TTLL5: variants seen among roughly 807,000 people sequenced by gnomAD.
The protein encoded by TTLL5 is tubulin tyrosine ligase like 5, also known as tubulin polyglutamylase TTLL5.
A neutral mutation model predicts 168.4 loss-of-function variants in TTLL5; 132 were observed. The ratio of observed to expected loss-of-function variants is 0.78; its 90% CI spans 0.68 to 0.91. The LOEUF (loss-of-function observed/expected upper bound fraction) is 0.91. Among genes scored for constraint, TTLL5 ranks in the 40% least tolerant of loss-of-function variants. TTLL5 has a pLI of 0.00. For missense variants in TTLL5, 1,545 were observed against 1,581.5 expected (o/e 0.98, Z 0.39); for synonymous variants, 546 against 558.6 (o/e 0.98, Z 0.32).
chr14:75,826,748 A>G (rs773305808), intron 28 of TTLL5, among the ~76,000 whole-genome samples: 2 of 152,144 alleles, frequency 1.3e-5, no homozygotes, highest in African/African-American at 2.4e-5. Context: ...CTGTCCCTTC[A>G]AGTTAACTGG....
chr14:75,686,883 A>G (rs996779329), intron 5 of TTLL5, among the ~76,000 whole-genome samples: 2 of 152,182 alleles, frequency 1.3e-5, no homozygotes, highest in Non-Finnish European at 2.9e-5. Flanking sequence ...TCATGATTCC[A>G]TTAAAGTAAA....
intron 12 of TTLL5, among the ~76,000 whole-genome samples, chr14:75,723,342 G>T (rs1566828012): frequency 1.3e-5 from 2 of 152,118 alleles, no homozygotes; most frequent in Non-Finnish European, 2.9e-5. Flanking sequence ...CTTTTTGGTG[G>T]CCTGACAGTA....
chr14:75,891,512 C>G (rs369572174), intron 30 of TTLL5, among the ~76,000 whole-genome samples: 4 of 152,172 alleles, frequency 2.6e-5, no homozygotes, highest in African/African-American at 9.7e-5. Context: ...CAAGACAGAT[C>G]AGATCTCTGC....
chr14:75,897,030 AAT>A (rs1467742121), intron 30 of TTLL5, among the ~76,000 whole-genome samples: 2 of 152,206 alleles, frequency 1.3e-5, no homozygotes, highest in Non-Finnish European at 2.9e-5. Flanking sequence ...TACAGGATGT[AAT>A]ATCCCTATAA....
At chr14:75,880,770 G>A (rs1419791644) in intron 29 of TTLL5, among the ~76,000 whole-genome samples, 2 of 152,152 alleles carry the variant, frequency 1.3e-5, no homozygotes, top group East Asian at 3.8e-4. Flanking sequence ...TGGAAGCTTT[G>A]GTTCCTTGTC....
At chr14:75,911,759 T>C (rs1464085408) in intron 31 of TTLL5, among the ~76,000 whole-genome samples, 1 of 152,244 alleles carries the variant, frequency 6.6e-6, no homozygotes, top group African/African-American at 2.4e-5. Flanking sequence ...GATACTGGAA[T>C]ATGGAATTTT....
At chr14:75,709,303 T>C (rs1234996699) in intron 9 of TTLL5, 2 of 707,236 alleles carry the variant, frequency 2.8e-6, no homozygotes, top group East Asian at 2.5e-5. Context: ...TTAATGATTT[T>C]AGAGACTTAG....
chr14:75,743,788 A>G (rs1410932091), intron 15 of TTLL5, among the ~76,000 whole-genome samples: 1 of 151,732 alleles, frequency 6.6e-6, no homozygotes, highest in East Asian at 1.9e-4. Context: ...TCACCGTGTT[A>G]GCCAGGATGG....
At chr14:75,832,772 C>T (rs576823261) in intron 28 of TTLL5, among the ~76,000 whole-genome samples, 1 of 152,180 alleles carries the variant, frequency 6.6e-6, no homozygotes, top group Non-Finnish European at 1.5e-5. Context: ...TCTCACGTTA[C>T]TCAGTTAGTT....
intron 31 of TTLL5, among the ~76,000 whole-genome samples, chr14:75,945,267 ATTTT>A (rs988872116): frequency 6.7e-6 from 1 of 148,450 alleles, no homozygotes; most frequent in African/African-American, 2.5e-5. Context: ...ATAAAAAAAA[ATTTT>A]TTTTGAGACG....
At chr14:75,695,209 T>C (rs1309860084) in intron 6 of TTLL5, among the ~76,000 whole-genome samples, 1 of 152,234 alleles carries the variant, frequency 6.6e-6, no homozygotes, top group Non-Finnish European at 1.5e-5. Context: ...TAGGAATGTC[T>C]GTCTTAGACG....
rs541321010 is a variant in TTLL5 at position 75,699,440 on chromosome 14, G to A, written c.585+170G>A. Among the ~76,000 whole-genome samples, 27 of 152,262 alleles carry A rather than the reference G, an allele frequency of 1.8e-4. No individual in the cohort carries two copies. The East Asian group carries it at 4.8e-3, about 27-fold the overall frequency. ...TATAACTTGACTTGTTTGCCTTACTGGCAGGAATCTTCTGCACCAGCAGTT... is the reference window on the plus strand; with the variant it reads ...TATAACTTGACTTGTTTGCCTTACTAGCAGGAATCTTCTGCACCAGCAGTT... On this transcript the variant is annotated intron_variant, in intron 7 of 31. Coordinates refer to ENST00000298832, the MANE Select transcript of TTLL5 (RefSeq NM_015072.5).
chr14:75,732,691 C>G (rs1888620460), intron 13 of TTLL5, among the ~76,000 whole-genome samples: 1 of 151,964 alleles, frequency 6.6e-6, no homozygotes, highest in Admixed American at 6.6e-5. Context: ...AGTTTTATCC[C>G]TGTAGTTTTT....
intron 31 of TTLL5, among the ~76,000 whole-genome samples, chr14:75,907,627 C>T (rs1595247315): frequency 6.6e-6 from 1 of 152,132 alleles, no homozygotes; most frequent in South Asian, 2.1e-4. Flanking sequence ...TTTCCCTAGC[C>T]CATCTAAACT....
chr14:75,758,148 A>T (rs1890401324), intron 18 of TTLL5, among the ~76,000 whole-genome samples: 1 of 152,206 alleles, frequency 6.6e-6, no homozygotes, highest in Admixed American at 6.5e-5. Flanking sequence ...AACTACTGTC[A>T]TGTTAGATTC....
At position 75,735,262 on chromosome 14, in the gene TTLL5, C is replaced by G. The variant is rs753598292; in HGVS notation, c.1254C>G (p.Ser418=). 1 of 1,614,214 alleles carries G rather than the reference C, an allele frequency of 6.2e-7. No individual in the cohort carries two copies. The highest frequency in any genetic ancestry group is 8.5e-7 in the Non-Finnish European group (1 of 1,179,992). The change falls in exon 15 of 32, where the codon TCC becomes TCG. Residue 418 remains serine, a synonymous_variant. Coordinates refer to ENST00000298832, the MANE Select transcript of TTLL5 (RefSeq NM_015072.5). The part of the protein sequence containing the change: ...TRPIYPTFES[S]RRNPFQKPQR... ...CAATTTATCCCACCTTTGAGTCTTC[C>G]AGGCGAAACCCTTTCCAGAAACCTC... is the stretch of plus-strand genomic sequence containing the variant.
Position 75,914,052 on chromosome 14 carries a change from A to ATATATATATATATATATATATG in TTLL5, c.3823+11831_3823+11832insATATATATATATATATATGTAT, listed in dbSNP as rs1304496430. The stretch of plus-strand genomic sequence containing the variant: ...AAAAAAAATATATATATATATATAT[A>ATATATATATATATATATATATG]TATTTTATCCCCTAAGGGCCCAGTT... On this transcript the variant is annotated intron_variant, in intron 31 of 31. Transcript: ENST00000298832. Among the ~76,000 whole-genome samples the ATATATATATATATATATATATG allele has an allele frequency of 2.5e-5, 3 of 122,380 alleles. No homozygotes were observed. In the East Asian group the frequency reaches 7.8e-4, roughly 32 times the overall value. 80.3% of individuals were successfully genotyped at this position (122,380 alleles called of 152,430 possible).
intron 29 of TTLL5, among the ~76,000 whole-genome samples, chr14:75,866,376 C>G (rs1029256305): frequency 6.6e-6 from 1 of 152,134 alleles, no homozygotes; most frequent in Non-Finnish European, 1.5e-5. Flanking sequence ...ATTCATTTCT[C>G]TAAAGTGTAG....
intron 26 of TTLL5, among the ~76,000 whole-genome samples, chr14:75,784,619 G>A (rs887709447): frequency 1.3e-5 from 2 of 152,136 alleles, no homozygotes; most frequent in Non-Finnish European, 2.9e-5. Context: ...TGGAATTGTT[G>A]GTTCATATGA....
Sources: allele counts gnomAD v4.1 joint callset (sites outside exome capture counted in the v4.1 genomes callset), GRCh38; gene constraint gnomAD v4.1.1; transcripts MANE v1.5; gene names NCBI Gene and HGNC (gene_info 2026-07-23, HGNC 2026-07-21).